Variants in ZNG1A observed in about 807,000 individuals in gnomAD.
ZNG1A encodes Zn regulated GTPase metalloprotein activator 1A.
chr9:145,825 A>C, the ZNG1A span, among the ~76,000 whole-genome samples: 3 of 151,962 alleles, frequency 2.0e-5, no homozygotes, highest in African/African-American at 7.3e-5. Context: ...TTTCTCATAG[A>C]AAGAGTATTA....
At chr9:125,228 G>T in the ZNG1A span, among the ~76,000 whole-genome samples, 4 of 150,828 alleles carry the variant, frequency 2.7e-5, no homozygotes, top group South Asian at 4.2e-4. Context: ...CTATTTTTTT[G>T]ATTTTTTTAT....
the ZNG1A span, among the ~76,000 whole-genome samples, chr9:157,214 A>G: frequency 2.1e-5 from 3 of 142,988 alleles, no homozygotes; most frequent in African/African-American, 7.8e-5. Flanking sequence ...GGCTAACTCC[A>G]AAAAATATTT....
chr9:172,440 T>C, the ZNG1A span: 2 of 335,832 alleles, frequency 6.0e-6, no homozygotes, highest in Admixed American at 4.4e-5. Flanking sequence ...TCTGACCAAG[T>C]ATCTTTTTAT....
chr9:162,573 A>G, the ZNG1A span: 7 of 1,132,838 alleles, frequency 6.2e-6, 1 homozygote, highest in East Asian at 1.9e-4. Flanking sequence ...ATTTCAGTTC[A>G]CAAATACTAC....
the ZNG1A span, chr9:150,956 G>A: frequency 1.0e-6 from 1 of 981,970 alleles, no homozygotes; most frequent in African/African-American, 1.8e-5. Context: ...GCACTTGTCT[G>A]TGTGACATTT....
Sources: allele counts gnomAD v4.1 joint callset (sites outside exome capture counted in the v4.1 genomes callset), GRCh38; gene constraint gnomAD v4.1.1; transcripts MANE v1.5; gene names NCBI Gene and HGNC (gene_info 2026-07-23, HGNC 2026-07-21).